Variants in PKD1L3 observed in about 807,000 individuals in gnomAD.
PKD1L3 encodes polycystin 1 like 3, transient receptor potential channel interacting, also known as polycystin-1-like protein 3.
A neutral mutation model predicts 184.1 loss-of-function variants in PKD1L3; 239 were observed. The observed-to-expected ratio is 1.30, with a 90% CI of 1.17 to 1.45. The LOEUF is 1.45. Ranked by LOEUF, PKD1L3 falls within the 40% of genes most tolerant of loss-of-function variation. PKD1L3 has a pLI of 0.00. For synonymous variants in PKD1L3, 996 were observed against 778.8 expected, an observed-to-expected ratio of 1.28 and a Z score of -4.64; for missense variants, 2,660 against 2,067.2, an observed-to-expected ratio of 1.29 and a Z score of -5.56.
rs2038217752 is a variant in PKD1L3, at chr16:71,937,405, A to G, written c.4339T>C (p.Ser1447Pro). Residue 1447 changes from serine to proline, a missense_variant, in exon 25 of 30, where the codon TCT becomes CCT. Transcript: ENST00000620267. ...GAAGTGAAGCTTTCCAGTCTCAAAGAGGTGAAGAAAGCACCTGAGAATAAC... is the reference window on the plus strand; with the variant it reads ...GAAGTGAAGCTTTCCAGTCTCAAAGGGGTGAAGAAAGCACCTGAGAATAAC... ...SYIMRGAFFTSLRLESFTSLQ... is the reference protein window; with the variant it reads ...SYIMRGAFFTPLRLESFTSLQ... 6.4e-7 allele frequency: 1 copy of G among 1,551,590 alleles called. No individual in the cohort carries two copies. The highest frequency in any genetic ancestry group is 2.4e-5 in the East Asian group (1 of 40,926).
At position 71,999,774 on chromosome 16, in the gene PKD1L3, G is replaced by C. The variant is rs1374397291; in HGVS notation, c.205C>G (p.Leu69Val). ...CCTTCTTCCAGATAGTCCCGGATGA[G>C]ATCTTGAACTTCCTTGTTCCAAATA... ...AHIWNKEVQD[L>V]IRDYLEEGKK... is the part of the protein sequence containing the mutation. Residue 69 changes from leucine (L) to valine (V), a missense_variant, in exon 1 of 30, where the codon CTC becomes GTC. Coordinates refer to ENST00000620267, the MANE Select transcript of PKD1L3 (RefSeq NM_181536.2). 3 of 1,551,634 alleles carry C rather than the reference G, an allele frequency of 1.9e-6. No homozygotes were observed. Among genetic ancestry groups the C allele is most frequent in the Non-Finnish European group, 2.6e-6 (3 of 1,147,004 alleles).
At chr16:71,992,222 T>C (rs2040614999) in intron 3 of PKD1L3, among the ~76,000 whole-genome samples, 2 of 152,230 alleles carry the variant, frequency 1.3e-5, no homozygotes, top group South Asian at 2.1e-4. Context: ...ATTAGGCATA[T>C]TGCTTGTTAG....
At chr16:71,964,817 T>G (rs537130869) in intron 15 of PKD1L3, among the ~76,000 whole-genome samples, 118 of 151,604 alleles carry the variant, frequency 7.8e-4, no homozygotes, top group Non-Finnish European at 1.3e-3. Context: ...TTTATGTGTG[T>G]GGAATCATAT....
chr16:71,956,720 GA>G (rs1389963182), intron 16 of PKD1L3, among the ~76,000 whole-genome samples: 5 of 152,160 alleles, frequency 3.3e-5, no homozygotes, highest in Non-Finnish European at 7.3e-5. Context: ...TTTGCAAAGT[GA>G]AAAAGCTCTG....
At chr16:71,932,316 T>A (rs988078259) in intron 28 of PKD1L3, among the ~76,000 whole-genome samples, 3 of 152,180 alleles carry the variant, frequency 2.0e-5, no homozygotes, top group African/African-American at 7.2e-5. Context: ...AGTGCCTCAT[T>A]TGGGTTTCCT....
At chr16:71,930,323 T>A (rs1029808247) in intron 28 of PKD1L3, 140 bp from the exon 29 acceptor site, 1 of 833,872 alleles carries the variant, frequency 1.2e-6, no homozygotes, top group African/African-American at 1.7e-5. Context: ...CAAAAGATAA[T>A]AAGAAGGAAA....
rs903107419 is a variant in PKD1L3 at position 72,000,023 on chromosome 16, G to A, written c.-45C>T. On this transcript the variant is annotated 5_prime_UTR_variant, in exon 1 of 30. Coordinates refer to ENST00000620267, the MANE Select transcript of PKD1L3 (RefSeq NM_181536.2). ...GAAAAAGTGTGGGGGTTTAGCAGCT[G>A]CCTGGTCCTTTAAATATATATATTG... 2.2e-6 allele frequency: 3 copies of A among 1,392,914 alleles called. No individual in the cohort carries two copies. Among genetic ancestry groups the A allele is most frequent in the Non-Finnish European group, 2.9e-6 (3 of 1,045,264 alleles). The allele number at this position is 1,392,914 out of a possible 1,614,324, so 86.3% of individuals were successfully genotyped here.
chr16:71,945,484 G>T (rs2038567687), intron 22 of PKD1L3, among the ~76,000 whole-genome samples: 1 of 150,384 alleles, frequency 6.6e-6, no homozygotes, highest in South Asian at 2.1e-4. Context: ...TTCAAGACCA[G>T]CCTGGCCAAT....
chr16:71,978,429 T>G, intron 9 of PKD1L3, 46 bp from the exon 10 acceptor site: 6 of 1,511,492 alleles, frequency 4.0e-6, no homozygotes, highest in Non-Finnish European at 5.4e-6. Flanking sequence ...TGAAATATTT[T>G]TAAGTGACCC....
intron 2 of PKD1L3, among the ~76,000 whole-genome samples, chr16:71,995,450 C>T (rs1374900757): frequency 6.6e-6 from 1 of 152,218 alleles, no homozygotes; most frequent in African/African-American, 2.4e-5. Flanking sequence ...TATTTTCTCT[C>T]TCCCTCATAG....
chr16:71,952,511 G>GCA (rs2038879189), intron 18 of PKD1L3, among the ~76,000 whole-genome samples: 2 of 147,678 alleles, frequency 1.4e-5, no homozygotes, highest in Non-Finnish European at 3.0e-5. Context: ...GAGCCACCGT[G>GCA]CCCAGCTGGG....
chr16:71,935,468 G>T lies in PKD1L3; in HGVS notation c.4503C>A (p.Asn1501Lys). Residue 1501 changes from asparagine to lysine, a missense_variant, in exon 26 of 30, where the codon AAC (asparagine) becomes AAA (lysine). Asn to Lys is a moderately conservative substitution (Grantham distance 94). Transcript: ENST00000620267. Reference protein sequence around the residue: ...QKWRFFTGKRNILDTSIILIS... With the variant: ...QKWRFFTGKRKILDTSIILIS... ...TGAGGATTATACTTGTGTCCAGAAT[G>T]TTTCTTTTCCCAGTGAAGAACCTCC... 6.4e-7 allele frequency: 1 copy of T among 1,552,134 alleles called. No homozygotes were observed. The highest frequency in any genetic ancestry group is 8.7e-7 in the Non-Finnish European group (1 of 1,147,068).
chr16:71,982,573 C>T (rs1307402260), intron 6 of PKD1L3, among the ~76,000 whole-genome samples: 2 of 151,960 alleles, frequency 1.3e-5, no homozygotes, highest in Non-Finnish European at 1.5e-5. Context: ...GTGTGAGCCA[C>T]CACGCCCAGC....
chr16:71,945,027 T>A (rs535970627), intron 22 of PKD1L3, among the ~76,000 whole-genome samples: 1 of 150,592 alleles, frequency 6.6e-6, no homozygotes, highest in African/African-American at 2.4e-5. Context: ...ATACAAGCCC[T>A]GTTTTTGATA....
intron 11 of PKD1L3, 30 bp downstream of exon 11, chr16:71,977,206 G>C: frequency 4.1e-6 from 6 of 1,450,216 alleles, no homozygotes; most frequent in Non-Finnish European, 5.7e-6. Context: ...AGAAATCAAA[G>C]TAAGTTTCTG....
At chr16:71,981,606 T>C (rs1367975419) in intron 7 of PKD1L3, among the ~76,000 whole-genome samples, 1 of 150,054 alleles carries the variant, frequency 6.7e-6, no homozygotes, top group Non-Finnish European at 1.5e-5. Context: ...AGTGGCATGA[T>C]CTCGATTCAC....
At chr16:71,967,667 G>T (rs1157589251) in intron 14 of PKD1L3, among the ~76,000 whole-genome samples, 1 of 152,132 alleles carries the variant, frequency 6.6e-6, no homozygotes, top group Admixed American at 6.5e-5. Context: ...TTTTCACCTT[G>T]TTGGCCAGGC....
intron 22 of PKD1L3, among the ~76,000 whole-genome samples, chr16:71,946,061 C>T (rs774674910): frequency 9.9e-5 from 15 of 152,130 alleles, no homozygotes; most frequent in Non-Finnish European, 1.5e-4. Flanking sequence ...CAGGTTCAAG[C>T]GATTCTCCTG....
chr16:71,930,129 A>G lies in PKD1L3; in HGVS notation c.4981T>C (p.Leu1661=), dbSNP rs777841109. The G allele has an allele frequency of 1.9e-6, 3 of 1,551,602 alleles. No individual in the cohort carries two copies. The highest frequency in any genetic ancestry group is 1.4e-5 in the African/African-American group (1 of 73,060). ...GTFLILTSVI[L]MVLVVINLFV... ...AGATTAATTACCACAAGTACCATCA[A>G]GATGACACTGGTGAGGATCAGAAAG... is the stretch of plus-strand genomic sequence containing the variant. Residue 1661 remains leucine (L), a synonymous_variant, in exon 29 of 30, where the codon TTG becomes CTG. Coordinates refer to ENST00000620267, the MANE Select transcript of PKD1L3 (RefSeq NM_181536.2).
Sources: allele counts gnomAD v4.1 joint callset (sites outside exome capture counted in the v4.1 genomes callset), GRCh38; gene constraint gnomAD v4.1.1; transcripts MANE v1.5; gene names NCBI Gene and HGNC (gene_info 2026-07-23, HGNC 2026-07-21).